The following ERC2 variants were observed in gnomAD, a reference collection of about 807,000 sequenced individuals.
The protein encoded by ERC2 is ERC protein 2.
In ERC2, 42 loss-of-function variants were observed where a neutral mutation model predicts 114.8. The observed-to-expected ratio is 0.37, with a 90% CI of 0.29 to 0.47. ERC2 has a LOEUF of 0.47. ERC2 is among the 20% of genes least tolerant of loss of function. ERC2 has a pLI of 0.99. For missense variants in ERC2, 939 were observed against 1,150.7 expected (o/e 0.82, Z 2.66); for synonymous variants, 454 against 425.5 (o/e 1.07, Z -0.82).
intron 3 of ERC2, among the ~76,000 whole-genome samples, chr3:56,238,633 G>A (rs1286929005): frequency 6.6e-6 from 1 of 152,200 alleles, no homozygotes; most frequent in Non-Finnish European, 1.5e-5. Flanking sequence ...AGAGAAGGCA[G>A]GCATAGCTTA....
Position 55,899,730 on chromosome 3 carries a change from C to T in ERC2, c.2404-11181G>A, listed in dbSNP as rs542029093. Among the ~76,000 whole-genome samples, 9 of 152,006 alleles carry T rather than the reference C, an allele frequency of 5.9e-5. No individual in the cohort carries two copies. The South Asian group carries it at 1.5e-3, about 25-fold the overall frequency. Reference sequence around the variant, plus strand: ...ATGTGTTGGGATTTTTTTGCATATTCGTAGGAGAAAAGACTAGAGGGAAAT... The same window carrying T: ...ATGTGTTGGGATTTTTTTGCATATTTGTAGGAGAAAAGACTAGAGGGAAAT... On this transcript the variant is annotated intron_variant, in intron 13 of 17. Transcript: ENST00000288221.
intron 17 of ERC2, among the ~76,000 whole-genome samples, chr3:55,547,637 G>A (rs2107387239): frequency 6.6e-6 from 1 of 152,318 alleles, no homozygotes; most frequent in Non-Finnish European, 1.5e-5. Context: ...TCAGTCCCCA[G>A]GAAGTCTCAG....
intron 12 of ERC2, among the ~76,000 whole-genome samples, chr3:55,983,811 A>G (rs2070356369): frequency 6.6e-6 from 1 of 152,208 alleles, no homozygotes; most frequent in South Asian, 2.1e-4. Context: ...ACACACATAC[A>G]TATGTATCTC....
At chr3:56,176,236 C>A (rs1244586822) in intron 3 of ERC2, among the ~76,000 whole-genome samples, 1 of 152,142 alleles carries the variant, frequency 6.6e-6, no homozygotes, top group Non-Finnish European at 1.5e-5. Flanking sequence ...CATACCATAA[C>A]CAATCCTAGT....
In ERC2 at chr3:55,599,014, A is replaced by G. The variant is rs577529565; in HGVS notation, c.*39+84780T>C. Among the ~76,000 whole-genome samples, 3 of 152,374 alleles carry G rather than the reference A, an allele frequency of 2.0e-5. No individual in the cohort carries two copies. In the East Asian group the frequency reaches 5.8e-4, roughly 29 times the overall value. On this transcript the variant is annotated intron_variant, in intron 17 of 17. Transcript: ENST00000288221. ...CAGCTACTTGAAGAAGGGCACAAGTAGGCTTCAAATTTATCATGGAAGACA... is the reference window on the plus strand; with the variant it reads ...CAGCTACTTGAAGAAGGGCACAAGTGGGCTTCAAATTTATCATGGAAGACA...
At chr3:56,151,882 T>C (rs1575601282) in intron 4 of ERC2, among the ~76,000 whole-genome samples, 1 of 152,132 alleles carries the variant, frequency 6.6e-6, no homozygotes, top group East Asian at 1.9e-4. Flanking sequence ...TCCAGAAAAG[T>C]GGAGTTTCAG....
intron 14 of ERC2, among the ~76,000 whole-genome samples, chr3:55,755,634 T>C (rs368025967): frequency 6.6e-6 from 1 of 152,188 alleles, no homozygotes; most frequent in African/African-American, 2.4e-5. Flanking sequence ...TATTTGTTAC[T>C]TGCAAAGCAG....
intron 3 of ERC2, among the ~76,000 whole-genome samples, chr3:56,255,303 C>G (rs574216286): frequency 6.6e-6 from 1 of 152,274 alleles, no homozygotes; most frequent in African/African-American, 2.4e-5. Flanking sequence ...TAACCCCCAC[C>G]ACGGACTCCA....
intron 10 of ERC2, among the ~76,000 whole-genome samples, chr3:56,005,585 G>A (rs2072418660): frequency 6.6e-6 from 1 of 152,036 alleles, no homozygotes; most frequent in Non-Finnish European, 1.5e-5. Context: ...TGTCAAGCAT[G>A]TACCTATAGA....
intron 10 of ERC2, among the ~76,000 whole-genome samples, chr3:56,000,254 TA>T (rs1176721286): frequency 6.6e-6 from 1 of 151,970 alleles, no homozygotes; most frequent in Non-Finnish European, 1.5e-5. Flanking sequence ...AAAGCAAAAT[TA>T]AAACATTTTA....
chr3:56,134,823 C>T (rs986245133), intron 6 of ERC2, among the ~76,000 whole-genome samples: 2 of 152,094 alleles, frequency 1.3e-5, no homozygotes, highest in East Asian at 3.8e-4. Flanking sequence ...TCTTGGAAAA[C>T]ACATGCAAAA....
intron 14 of ERC2, among the ~76,000 whole-genome samples, chr3:55,866,987 ATTGTC>A (rs2062349973): frequency 6.6e-6 from 1 of 152,140 alleles, no homozygotes; most frequent in African/African-American, 2.4e-5. Context: ...CAATGATATA[ATTGTC>A]TTGAATGATT....
intron 4 of ERC2, among the ~76,000 whole-genome samples, chr3:56,169,944 A>C (rs1170113160): frequency 1.3e-5 from 2 of 152,216 alleles, no homozygotes; most frequent in Non-Finnish European, 2.9e-5. Flanking sequence ...TAAAGAAAGA[A>C]AAAAGAGAAA....
intron 7 of ERC2, among the ~76,000 whole-genome samples, chr3:56,030,500 T>G (rs1364994990): frequency 1.3e-5 from 2 of 152,230 alleles, no homozygotes; most frequent in African/African-American, 4.8e-5. Context: ...TGAAGCTCTG[T>G]TGCATATACA....
intron 14 of ERC2, among the ~76,000 whole-genome samples, chr3:55,755,117 G>C (rs34029701): frequency 0.15 from 22,936 of 150,548 alleles, 1,819 homozygotes; most frequent in Middle Eastern, 0.21. Flanking sequence ...TTTCCTCAAA[G>C]ATCCATCTGC....
chr3:55,880,954 G>T (rs1316848534), intron 14 of ERC2, among the ~76,000 whole-genome samples: 1 of 152,014 alleles, frequency 6.6e-6, no homozygotes, highest in African/African-American at 2.4e-5. Flanking sequence ...TATAATCTCA[G>T]TCAATCCCCA....
intron 7 of ERC2, among the ~76,000 whole-genome samples, chr3:56,077,000 C>T (rs1394931616): frequency 1.3e-5 from 2 of 152,168 alleles, no homozygotes; most frequent in East Asian, 3.9e-4. Context: ...AGTAATACTG[C>T]ATGTCTGACA....
intron 4 of ERC2, among the ~76,000 whole-genome samples, chr3:56,171,659 A>T (rs1340051250): frequency 6.6e-6 from 1 of 151,838 alleles, no homozygotes; most frequent in Admixed American, 6.5e-5. Context: ...TTTTATTTAT[A>T]AATTTTTTTA....
chr3:55,783,828 G>A (rs1199379958), intron 14 of ERC2, among the ~76,000 whole-genome samples: 1 of 152,192 alleles, frequency 6.6e-6, no homozygotes, highest in African/African-American at 2.4e-5. Context: ...AAAGCCAAAG[G>A]TGGCTTTAAA....
Sources: allele counts gnomAD v4.1 joint callset (sites outside exome capture counted in the v4.1 genomes callset), GRCh38; gene constraint gnomAD v4.1.1; transcripts MANE v1.5; gene names NCBI Gene and HGNC (gene_info 2026-07-23, HGNC 2026-07-21).